The following COLEC10 variants were observed in gnomAD, a reference collection of about 807,000 sequenced individuals.
COLEC10 encodes the protein collectin-10.
A neutral mutation model predicts 28.4 loss-of-function variants in COLEC10; 22 were observed. The observed-to-expected ratio is 0.78, with a 90% CI of 0.55 to 1.11. The LOEUF (loss-of-function observed/expected upper bound fraction) is 1.11. Ranked by LOEUF, COLEC10 falls within the 50% of genes least tolerant of loss-of-function variation. The pLI is 0.00. For synonymous variants in COLEC10, 125 were observed against 116.1 expected, an observed-to-expected ratio of 1.08 and a Z score of -0.49; for missense variants, 361 against 344.1, an observed-to-expected ratio of 1.05 and a Z score of -0.39.
At chr8:118,974,919 G>A in the COLEC10 span, among the ~76,000 whole-genome samples, 1 of 152,108 alleles carries the variant, frequency 6.6e-6, no homozygotes, top group Admixed American at 6.6e-5. Context: ...GGGAAAAAGG[G>A]AGACATTTAT....
upstream of COLEC10, among the ~76,000 whole-genome samples, chr8:119,063,454 GC>G (rs1385509962): frequency 9.2e-5 from 14 of 152,146 alleles, no homozygotes. Context: ...GTGGCTGCAA[GC>G]CCATTCTTTA....
intron 2 of COLEC10, among the ~76,000 whole-genome samples, chr8:119,026,696 C>T (rs1401812181): frequency 2.0e-5 from 3 of 152,140 alleles, no homozygotes; most frequent in Non-Finnish European, 2.9e-5. Context: ...TTGAGATCAA[C>T]ACCTGTGGGG....
chr8:119,020,853 T>C (rs1814077692), intron 2 of COLEC10, among the ~76,000 whole-genome samples: 1 of 152,168 alleles, frequency 6.6e-6, no homozygotes, highest in African/African-American at 2.4e-5. Context: ...TTATGCTATA[T>C]TTAAATTTAT....
intron 4 of COLEC10, among the ~76,000 whole-genome samples, chr8:119,103,315 T>C (rs1447029303): frequency 6.6e-6 from 1 of 152,240 alleles, no homozygotes; most frequent in African/African-American, 2.4e-5. Context: ...GCAAGCTGTA[T>C]TTTAAATGGA....
Position 119,084,890 on chromosome 8 carries a change from GAGTA to G in COLEC10, c.149-4784_149-4781del, listed in dbSNP as rs1203008835. 3.9e-5 allele frequency among the ~76,000 whole-genome samples: 6 copies of G among 152,138 alleles called. No homozygotes were observed. In the East Asian group the frequency reaches 1.2e-3, roughly 29 times the overall value. On this transcript the variant is annotated intron_variant, in intron 1 of 5. Coordinates refer to ENST00000332843, the MANE Select transcript of COLEC10 (RefSeq NM_006438.5). ...GTAAAAAAAACACAGCCAAGTAAAA[GAGTA>G]AGTAATGATTATATAATAGAGATTG...
At chr8:118,960,755 C>G in the COLEC10 span, among the ~76,000 whole-genome samples, 7 of 131,526 alleles carry the variant, frequency 5.3e-5, 1 homozygote, top group East Asian at 1.4e-3. Flanking sequence ...CCACTGCACT[C>G]TAGCCTGGGG....
chr8:119,071,584 C>A lies in COLEC10; in HGVS notation c.148+4155C>A, dbSNP rs182362500. On this transcript the variant is annotated intron_variant, in intron 1 of 5. Coordinates refer to ENST00000332843, the MANE Select transcript of COLEC10 (RefSeq NM_006438.5). Reference sequence around the variant, plus strand: ...TGTGCAGCAAGGCCATGCCTACCTACCCCTGTACTCTTTGTCATAGTTCCC... The same window carrying A: ...TGTGCAGCAAGGCCATGCCTACCTAACCCTGTACTCTTTGTCATAGTTCCC... Among the ~76,000 whole-genome samples the A allele has an allele frequency of 9.6e-4, 146 of 152,246 alleles. 1 individual carries two copies. Among genetic ancestry groups the A allele is most frequent in the Non-Finnish European group, 1.4e-3 (92 of 68,012 alleles).
At chr8:119,072,290 T>C (rs760278241) in intron 1 of COLEC10, among the ~76,000 whole-genome samples, 3 of 152,184 alleles carry the variant, frequency 2.0e-5, no homozygotes, top group Non-Finnish European at 2.9e-5. Flanking sequence ...GAGCACACAT[T>C]GAGTAGCTGA....
chr8:118,962,778 C>T, the COLEC10 span, among the ~76,000 whole-genome samples: 1 of 152,232 alleles, frequency 6.6e-6, no homozygotes, highest in East Asian at 1.9e-4. Context: ...TTTTCCACAC[C>T]CCTCAGCCCT....
At chr8:119,025,206 G>T (rs1290049604) in intron 2 of COLEC10, among the ~76,000 whole-genome samples, 1 of 152,182 alleles carries the variant, frequency 6.6e-6, no homozygotes, top group African/African-American at 2.4e-5. Context: ...GAAAGAAAGG[G>T]ATACTGAAGA....
intron 2 of COLEC10, among the ~76,000 whole-genome samples, chr8:119,013,017 T>C (rs1376913555): frequency 7.3e-6 from 1 of 136,496 alleles, no homozygotes; most frequent in African/African-American, 2.9e-5. Flanking sequence ...TTGCTGCTCT[T>C]TTTTTTTTCT....
the COLEC10 span, among the ~76,000 whole-genome samples, chr8:118,970,257 G>C: frequency 5.9e-5 from 9 of 152,012 alleles, no homozygotes; most frequent in Admixed American, 5.3e-4. Flanking sequence ...GTAAGAAAGA[G>C]GAAGGACAAA....
chr8:118,968,106 A>G, the COLEC10 span, among the ~76,000 whole-genome samples: 2 of 152,122 alleles, frequency 1.3e-5, no homozygotes, highest in South Asian at 2.1e-4. Context: ...TGTTTTAGCT[A>G]TTTATATTTT....
chr8:119,080,753 G>A (rs1815352050), intron 1 of COLEC10, among the ~76,000 whole-genome samples: 1 of 151,956 alleles, frequency 6.6e-6, no homozygotes, highest in Admixed American at 6.6e-5. Flanking sequence ...TTCCCTCTCT[G>A]AACCCTCTTC....
At chr8:118,957,684 C>A in the COLEC10 span, among the ~76,000 whole-genome samples, 1 of 152,258 alleles carries the variant, frequency 6.6e-6, no homozygotes, top group Non-Finnish European at 1.5e-5. Flanking sequence ...AGAGTGGAAG[C>A]AGGAGGAACA....
At chr8:119,073,722 A>C (rs1332887268) in intron 1 of COLEC10, among the ~76,000 whole-genome samples, 1 of 152,064 alleles carries the variant, frequency 6.6e-6, no homozygotes, top group Non-Finnish European at 1.5e-5. Flanking sequence ...ATCAGGAAGT[A>C]GTACTAAATG....
intron 1 of COLEC10, among the ~76,000 whole-genome samples, chr8:119,079,716 A>G (rs1431615747): frequency 6.6e-6 from 1 of 151,276 alleles, no homozygotes; most frequent in Non-Finnish European, 1.5e-5. Context: ...AAAAAAAGAT[A>G]CTTTGTAATT....
At chr8:118,986,786 A>C in the COLEC10 span, among the ~76,000 whole-genome samples, 3 of 152,208 alleles carry the variant, frequency 2.0e-5, no homozygotes, top group Admixed American at 1.3e-4. Flanking sequence ...GAAGCCAGTC[A>C]CAAAAGGCCA....
intron 2 of COLEC10, among the ~76,000 whole-genome samples, chr8:119,029,677 A>C (rs1814253725): frequency 6.6e-6 from 1 of 151,738 alleles, no homozygotes; most frequent in Non-Finnish European, 1.5e-5. Flanking sequence ...AGGGCAATGG[A>C]AAAGAAATAG....
Sources: gnomAD v4.1 joint callset for allele counts (sites outside exome capture counted in the v4.1 genomes callset) on GRCh38, gnomAD v4.1.1 for gene constraint, MANE v1.5 for transcripts, NCBI Gene and HGNC (gene_info 2026-07-23, HGNC 2026-07-21) for gene names.